Variants in RPL9 observed in about 807,000 individuals in gnomAD.
RPL9 encodes large ribosomal subunit protein uL6.
For missense variants in RPL9, 149 were observed against 236.7 expected (o/e 0.63, Z 2.43); for synonymous variants, 82 against 77.1 (o/e 1.06, Z -0.33).
At position 39,454,846 on chromosome 4, in the gene RPL9, C is replaced by A. The variant is rs201085599; in HGVS notation, c.472+18G>T. 3 of 1,609,734 alleles carry A rather than the reference C, an allele frequency of 1.9e-6. No homozygotes were observed. Among genetic ancestry groups the A allele is most frequent in the East Asian group, 4.5e-5 (2 of 44,852 alleles). On this transcript the variant is annotated intron_variant, in intron 6 of 7. Coordinates refer to ENST00000295955, the MANE Select transcript of RPL9 (RefSeq NM_000661.5). ...ACAAAATCTTGTAGGCATAGTTAGA[C>A]ATAGTAAACATACAAACCTGAATTT...
At position 39,458,306 on chromosome 4, in the gene RPL9, T is replaced by G. The variant is rs773729910; in HGVS notation, c.50A>C (p.Asp17Ala). Residue 17 changes from aspartate to alanine, a missense_variant, in exon 3 of 8, where the codon GAC becomes GCC. Asp to Ala is a moderately radical substitution (Grantham distance 126). Coordinates refer to ENST00000295955, the MANE Select transcript of RPL9 (RefSeq NM_000661.5). Reference protein sequence around the residue: ...NQTVDIPENVDITLKGRTVIV... With the variant: ...NQTVDIPENVAITLKGRTVIV... Reference sequence around the variant, plus strand: ...AACTGTGCGTCCCTTCAGAGTAATGTCGACTAGAAGAGAGAACACACTCGT... The same window carrying G: ...AACTGTGCGTCCCTTCAGAGTAATGGCGACTAGAAGAGAGAACACACTCGT... 1 of 1,614,106 alleles carries G rather than the reference T, an allele frequency of 6.2e-7. No individual in the cohort carries two copies. Among genetic ancestry groups the G allele is most frequent in the Non-Finnish European group, 8.5e-7 (1 of 1,179,990 alleles).
intron 3 of RPL9, 51 bp from the exon 4 acceptor site, chr4:39,457,732 G>T: frequency 7.2e-7 from 1 of 1,393,482 alleles, no homozygotes; most frequent in Admixed American, 1.7e-5. Context: ...AGGCTTAAAA[G>T]ACAACAGACC....
intron 5 of RPL9, chr4:39,455,218 C>T (rs922480582): frequency 3.8e-5 from 11 of 286,420 alleles, no homozygotes; most frequent in Admixed American, 2.0e-4. Flanking sequence ...TGTGGTGGTA[C>T]GTGCCTATAC....
rs1744161626 is a variant in RPL9 at position 39,457,645 on chromosome 4, G to A, written c.199C>T (p.Leu67=). 6.2e-7 allele frequency: 1 copy of A among 1,614,052 alleles called. No individual in the cohort carries two copies. Among genetic ancestry groups the A allele is most frequent in the Admixed American group, 1.7e-5 (1 of 60,002 alleles). The part of the protein sequence containing the change: ...VDKWWGNRKE[L]ATVRTICSHV... ...CTACAAATAGTCCGAACGGTAGCCA[G>A]TTCCTTTCTGTTACCCCACCATTTG... Residue 67 remains leucine, a synonymous_variant, in exon 4 of 8, where the codon CTG becomes TTG. Coordinates refer to ENST00000295955, the MANE Select transcript of RPL9 (RefSeq NM_000661.5).
At position 39,458,547 on chromosome 4, in the gene RPL9, G is replaced by C. The variant is rs376068097; in HGVS notation, c.-1-107C>G. The C allele has an allele frequency of 1.5e-5, 18 of 1,240,454 alleles. No homozygotes were observed. The East Asian group carries it at 3.8e-4, about 26-fold the overall frequency. 76.8% of individuals were successfully genotyped at this position (1,240,454 alleles called of 1,614,324 possible). ...TGGAGACTGCCAGGCGGAAGTTCCA[G>C]ACAAGATGTCGGAGGACGGGAGACC... On this transcript the variant is annotated intron_variant, in intron 1 of 7. Transcript: ENST00000295955.
chr4:39,454,487 A>G, intron 7 of RPL9, 46 bp downstream of exon 7: 1 of 1,383,592 alleles, frequency 7.2e-7, no homozygotes, highest in South Asian at 1.3e-5. Context: ...TAAGAGCTTC[A>G]TTCAACTAGA....
At chr4:39,454,298 G>C (rs1031988470) in intron 7 of RPL9, 73 bp from the exon 8 acceptor site, 3 of 357,690 alleles carry the variant, frequency 8.4e-6, no homozygotes, top group Non-Finnish European at 1.5e-5. Context: ...TCTTTTTTCT[G>C]TACTATTCTA....
intron 1 of RPL9, 80 bp downstream of exon 1, chr4:39,458,811 G>A: frequency 1.5e-6 from 1 of 688,088 alleles, no homozygotes; most frequent in Non-Finnish European, 2.7e-6. Flanking sequence ...GGTTCCGAGA[G>A]TGGGAGCCGC....
intron 3 of RPL9, 150 bp from the exon 4 acceptor site, chr4:39,457,831 C>T: frequency 1.4e-6 from 1 of 694,798 alleles, no homozygotes; most frequent in Non-Finnish European, 2.5e-6. Context: ...TATAAAACCT[C>T]CCAACAGTTA....
Position 39,458,299 on chromosome 4 carries a change from A to G in RPL9, c.57T>C (p.Thr19=). 1.2e-6 allele frequency: 2 copies of G among 1,614,118 alleles called. No individual in the cohort carries two copies. Among genetic ancestry groups the G allele is most frequent in the Non-Finnish European group, 1.7e-6 (2 of 1,180,028 alleles). ...TCACGATAACTGTGCGTCCCTTCAG[A>G]GTAATGTCGACTAGAAGAGAGAACA... ...TVDIPENVDI[T]LKGRTVIVKG... is the part of the protein sequence containing the mutation. Residue 19 remains threonine (T), a synonymous_variant, in exon 3 of 8, where the codon ACT becomes ACC. Coordinates refer to ENST00000295955, the MANE Select transcript of RPL9 (RefSeq NM_000661.5).
intron 4 of RPL9, 69 bp from the exon 5 acceptor site, chr4:39,456,607 A>G: frequency 2.6e-6 from 4 of 1,531,832 alleles, no homozygotes; most frequent in Admixed American, 1.9e-5. Flanking sequence ...AAAATTTTCT[A>G]AGATGCTTAT....
rs376007055 is a variant in RPL9, at chr4:39,458,867, C to A, written c.-2+24G>T. ...AGATGGTTTCAGATTCCCAGTACCC[C>A]CACGAGCACAGAAACATCCTTACCT... On this transcript the variant is annotated intron_variant, in intron 1 of 7. Transcript: ENST00000295955. 13 of 698,622 alleles carry A rather than the reference C, an allele frequency of 1.9e-5. No individual in the cohort carries two copies. The Middle Eastern group carries it at 1.1e-3, about 61-fold the overall frequency. The allele number at this position is 698,622 out of a possible 1,614,324, so 43.3% of individuals were successfully genotyped here. A position where few individuals can be genotyped will look rare whatever the true frequency, so the allele number is the denominator to read the frequency against.
chr4:39,455,877 G>C (rs986346951), intron 5 of RPL9: 1 of 176,922 alleles, frequency 5.7e-6, no homozygotes, highest in African/African-American at 2.4e-5. Context: ...AAAGATGTTT[G>C]CAATTTTAAG....
intron 1 of RPL9, 150 bp from the exon 2 acceptor site, chr4:39,458,590 T>C: frequency 2.6e-6 from 2 of 755,718 alleles, no homozygotes; most frequent in East Asian, 2.7e-5. Context: ...GGCCCCAGTG[T>C]GTCCCAGCCT....
Position 39,458,318 on chromosome 4 carries a change from G to T in RPL9, c.47-9C>A. The T allele has an allele frequency of 6.2e-7, 1 of 1,614,062 alleles. No homozygotes were observed. The highest frequency in any genetic ancestry group is 8.5e-7 in the Non-Finnish European group (1 of 1,179,952). On this transcript the variant is annotated splice_polypyrimidine_tract_variant and intron_variant, in intron 2 of 7. Coordinates refer to ENST00000295955, the MANE Select transcript of RPL9 (RefSeq NM_000661.5). ...CTTCAGAGTAATGTCGACTAGAAGA[G>T]AGAACACACTCGTCAGGCCACACAA...
rs1744016653 is a variant in RPL9 at position 39,454,658 on chromosome 4, G to A, written c.473-9C>T. ...TTGCTGAATCAAAGCCGCTATAGGA[G>A]TGAAGATAAAGCAATTAATACATCA... On this transcript the variant is annotated splice_polypyrimidine_tract_variant and intron_variant, in intron 6 of 7. Coordinates refer to ENST00000295955, the MANE Select transcript of RPL9 (RefSeq NM_000661.5). 3.7e-6 allele frequency: 6 copies of A among 1,607,950 alleles called. No homozygotes were observed. The highest frequency in any genetic ancestry group is 4.2e-6 in the Non-Finnish European group (5 of 1,176,642).
At position 39,458,922 on chromosome 4, in the gene RPL9, T is replaced by C. The variant is rs776010886; in HGVS notation, c.-33A>G. 4.2e-6 allele frequency: 3 copies of C among 717,286 alleles called. No individual in the cohort carries two copies. Among genetic ancestry groups the C allele is most frequent in the East Asian group, 2.7e-5 (1 of 37,480 alleles). 44.4% of individuals were successfully genotyped at this position (717,286 alleles called of 1,614,324 possible). Reference sequence around the variant, plus strand: ...GTAGACGCAGCAAAGAAAGAACGTCTGTCGTCATTACGTACTTGTATCGCG... The same window carrying C: ...GTAGACGCAGCAAAGAAAGAACGTCCGTCGTCATTACGTACTTGTATCGCG... On this transcript the variant is annotated 5_prime_UTR_variant, in exon 1 of 8. Transcript: ENST00000295955.
intron 3 of RPL9, chr4:39,457,928 ACAAAG>A: frequency 1.6e-6 from 1 of 627,626 alleles, no homozygotes; most frequent in East Asian, 2.8e-5. Context: ...TGTGATTTTT[ACAAAG>A]CAATCACTAG....
In RPL9 at chr4:39,458,329, C is replaced by A. The variant is rs748107501; in HGVS notation, c.47-20G>T. On this transcript the variant is annotated intron_variant, in intron 2 of 7. Transcript: ENST00000295955. ...TGTCGACTAGAAGAGAGAACACACT[C>A]GTCAGGCCACACAACGCTTGGAACG... is the stretch of plus-strand genomic sequence containing the variant. 1 of 1,613,812 alleles carries A rather than the reference C, an allele frequency of 6.2e-7. No homozygotes were observed. Among genetic ancestry groups the A allele is most frequent in the South Asian group, 1.1e-5 (1 of 91,064 alleles).
Sources: gnomAD v4.1 joint callset for allele counts on GRCh38, gnomAD v4.1.1 for gene constraint, MANE v1.5 for transcripts, NCBI Gene and HGNC (gene_info 2026-07-23, HGNC 2026-07-21) for gene names.